The following ARHGAP24 variants were observed in gnomAD, a reference collection of about 807,000 sequenced individuals.
The protein encoded by ARHGAP24 is Rho GTPase activating protein 24.
A neutral mutation model predicts 76.4 loss-of-function variants in ARHGAP24; 50 were observed. The ratio of observed to expected loss-of-function variants is 0.65; its 90% CI spans 0.52 to 0.83. The LOEUF is 0.83. Among genes scored for constraint, ARHGAP24 ranks in the 40% least tolerant of loss-of-function variants. The probability of loss-of-function intolerance (pLI) is 0.00; values close to 1 mark genes in which losing one functional copy is unlikely to be tolerated. For synonymous variants in ARHGAP24, 345 were observed against 323.3 expected (o/e 1.07, Z -0.72); for missense variants, 930 against 914.2 (o/e 1.02, Z -0.22).
intron 8 of ARHGAP24, chr4:85,990,175 A>C (rs1740238704): frequency 6.6e-6 from 1 of 151,780 alleles, no homozygotes; most frequent in Non-Finnish European, 1.5e-5. Flanking sequence ...AATTGAAATA[A>C]AATTATTGTT....
At chr4:85,652,765 T>C (rs1721992397) in intron 2 of ARHGAP24, among the ~76,000 whole-genome samples, 1 of 152,104 alleles carries the variant, frequency 6.6e-6, no homozygotes, top group Non-Finnish European at 1.5e-5. Context: ...TGGGGTGGTA[T>C]GTGGTGTGCT....
intron 2 of ARHGAP24, among the ~76,000 whole-genome samples, chr4:85,688,122 ATT>A: frequency 6.6e-6 from 1 of 152,116 alleles, no homozygotes; most frequent in South Asian, 2.1e-4. Flanking sequence ...CGGTGGTTCT[ATT>A]TTAAGTTATT....
intron 3 of ARHGAP24, among the ~76,000 whole-genome samples, chr4:85,796,592 C>G (rs992622697): frequency 6.6e-6 from 1 of 152,114 alleles, no homozygotes; most frequent in Non-Finnish European, 1.5e-5. Flanking sequence ...GTAATTTGAA[C>G]AGGGACAGTT....
At chr4:85,841,060 T>C (rs968440142) in intron 3 of ARHGAP24, among the ~76,000 whole-genome samples, 1 of 152,226 alleles carries the variant, frequency 6.6e-6, no homozygotes, top group Non-Finnish European at 1.5e-5. Flanking sequence ...CTCAGTTCCA[T>C]TTTAGACCTA....
intron 4 of ARHGAP24, chr4:85,930,237 A>C: frequency 2.0e-6 from 2 of 985,430 alleles, no homozygotes; most frequent in Non-Finnish European, 2.4e-6. Flanking sequence ...GCCTCTTGGA[A>C]TGGGCACTCG....
chr4:85,616,438 T>G (rs1720539694), intron 2 of ARHGAP24, among the ~76,000 whole-genome samples: 1 of 152,230 alleles, frequency 6.6e-6, no homozygotes, highest in African/African-American at 2.4e-5. Flanking sequence ...TTTATAATAT[T>G]TTAGACACTT....
chr4:85,494,179 G>A (rs1394221987), intron 1 of ARHGAP24, among the ~76,000 whole-genome samples: 2 of 151,954 alleles, frequency 1.3e-5, no homozygotes, highest in South Asian at 4.2e-4. Flanking sequence ...CTAAAAAAAT[G>A]GTATGGATAT....
chr4:85,544,528 T>C (rs1725828469), intron 1 of ARHGAP24, among the ~76,000 whole-genome samples: 1 of 152,210 alleles, frequency 6.6e-6, no homozygotes, highest in Non-Finnish European at 1.5e-5. Flanking sequence ...ACATTCATGT[T>C]CTTTCTCAGA....
intron 3 of ARHGAP24, among the ~76,000 whole-genome samples, chr4:85,906,497 A>G (rs765671185): frequency 6.6e-6 from 1 of 152,204 alleles, no homozygotes; most frequent in Non-Finnish European, 1.5e-5. Context: ...TATGATAACT[A>G]GTTTTTTAAT....
chr4:85,786,571 T>C (rs1049017506), intron 3 of ARHGAP24, among the ~76,000 whole-genome samples: 2 of 152,238 alleles, frequency 1.3e-5, no homozygotes, highest in Admixed American at 1.3e-4. Context: ...CAAATCTTTG[T>C]GTCAGAGATA....
chr4:85,953,000 TACC>T (rs1377696904), intron 5 of ARHGAP24, among the ~76,000 whole-genome samples: 1 of 152,200 alleles, frequency 6.6e-6, no homozygotes, highest in Admixed American at 6.5e-5. Context: ...ATTATTTTGT[TACC>T]AAAGCCCTCC....
At position 85,594,944 on chromosome 4, in the gene ARHGAP24, A is replaced by G. The variant is rs567575623; in HGVS notation, c.180+24223A>G. Among the ~76,000 whole-genome samples the G allele has an allele frequency of 4.6e-5, 7 of 150,992 alleles. No homozygotes were observed. In the East Asian group the frequency reaches 1.4e-3, roughly 30 times the overall value. ...TAGAAAAATGAATTTAAGTACAGTG[A>G]CTCAACCAACAAACATTGCAATCCT... On this transcript the variant is annotated intron_variant, in intron 2 of 9. Coordinates refer to ENST00000395184, the MANE Select transcript of ARHGAP24 (RefSeq NM_001025616.3).
At chr4:85,993,432 TAA>T (rs905941838) in intron 8 of ARHGAP24, among the ~76,000 whole-genome samples, 96 of 152,306 alleles carry the variant, frequency 6.3e-4, no homozygotes, top group African/African-American at 1.9e-3. Flanking sequence ...GAAAATATTA[TAA>T]GTTTTGAATC....
At chr4:85,624,136 G>A (rs981272301) in intron 2 of ARHGAP24, among the ~76,000 whole-genome samples, 5 of 152,298 alleles carry the variant, frequency 3.3e-5, no homozygotes, top group Non-Finnish European at 5.9e-5. Context: ...GAATAGGAGT[G>A]GTGAGAGAGG....
chr4:85,742,263 C>T (rs529492820), intron 3 of ARHGAP24, among the ~76,000 whole-genome samples: 3 of 152,132 alleles, frequency 2.0e-5, no homozygotes, highest in Non-Finnish European at 2.9e-5. Context: ...GTCACTGAGC[C>T]GAGATACTGA....
At chr4:85,970,221 C>T (rs926968108) in intron 5 of ARHGAP24, among the ~76,000 whole-genome samples, 1 of 152,170 alleles carries the variant, frequency 6.6e-6, no homozygotes, top group African/African-American at 2.4e-5. Context: ...GGACAGGAGG[C>T]TTCCTCCCAC....
At chr4:85,816,437 C>T (rs1729242318) in intron 3 of ARHGAP24, among the ~76,000 whole-genome samples, 1 of 152,014 alleles carries the variant, frequency 6.6e-6, no homozygotes. Context: ...GCATAATGCC[C>T]CCAAGTTTCA....
At position 86,000,616 on chromosome 4, in the gene ARHGAP24, G is replaced by T. The variant is rs1219110161; in HGVS notation, c.2141G>T (p.Arg714Ile). The change falls in exon 10 of 10, where the codon AGA (arginine) becomes ATA (isoleucine). Residue 714 changes from arginine (R) to isoleucine (I), a missense_variant. Physicochemically the swap from Arg to Ile is moderately conservative, Grantham distance 97. Transcript: ENST00000395184. ...CGAGCAAAAGAAGATGCCGAGAAAA[G>T]AAATGACATGCTACAGAAAGAAATG... ...AERAKEDAEK[R>I]NDMLQKEMEQ... 1 of 1,613,912 alleles carries T rather than the reference G, an allele frequency of 6.2e-7. No individual in the cohort carries two copies. Among genetic ancestry groups the T allele is most frequent in the African/African-American group, 1.3e-5 (1 of 74,894 alleles).
At chr4:85,889,708 C>G (rs1216772953) in intron 3 of ARHGAP24, among the ~76,000 whole-genome samples, 1 of 152,170 alleles carries the variant, frequency 6.6e-6, no homozygotes, top group Non-Finnish European at 1.5e-5. Flanking sequence ...AAGTTCCAAA[C>G]ATTAATTCTC....
Sources: allele counts gnomAD v4.1 joint callset (sites outside exome capture counted in the v4.1 genomes callset), GRCh38; gene constraint gnomAD v4.1.1; transcripts MANE v1.5; gene names NCBI Gene and HGNC (gene_info 2026-07-23, HGNC 2026-07-21).